The following TLN2 variants were observed in gnomAD, a reference collection of about 807,000 sequenced individuals.
TLN2 encodes talin 2.
TLN2 carries 118 observed loss-of-function variants against 294.7 expected under a neutral mutation model. The observed-to-expected ratio is 0.40, with a 90% CI of 0.34 to 0.47. The LOEUF is 0.47. Ranked by LOEUF, TLN2 falls within the 20% of genes least tolerant of loss-of-function variation. The pLI, the probability that TLN2 is intolerant of heterozygous loss-of-function variation, is 0.84. For synonymous variants in TLN2, 1,431 were observed against 1,304.5 expected, an observed-to-expected ratio of 1.10 and a Z score of -2.09; for missense variants, 3,083 against 3,282.2, an observed-to-expected ratio of 0.94 and a Z score of 1.48.
At chr15:62,648,545 A>ATTTTTTT in intron 4 of TLN2, among the ~76,000 whole-genome samples, 1 of 120,656 alleles carries the variant, frequency 8.3e-6, no homozygotes, top group Non-Finnish European at 1.7e-5. Context: ...GATGATGACG[A>ATTTTTTT]TTTTTTTTTT....
intron 1 of TLN2, among the ~76,000 whole-genome samples, chr15:62,525,520 G>A (rs2040690132): frequency 6.6e-6 from 1 of 152,208 alleles, no homozygotes; most frequent in Non-Finnish European, 1.5e-5. Context: ...AGAACAATGT[G>A]TGAGGTTAGT....
chr15:62,740,708 A>G lies in TLN2; in HGVS notation c.3964A>G (p.Lys1322Glu). The change falls in exon 32 of 59, where the codon AAG becomes GAG. Residue 1322 changes from lysine (K) to glutamate (E), a missense_variant. Physicochemically the swap from Lys to Glu is moderately conservative, Grantham distance 56 (BLOSUM62 1). Coordinates refer to ENST00000636159, the MANE Select transcript of TLN2 (RefSeq NM_015059.3). ...MASSKLLLAA[K>E]SLSVDPGAPN... Reference sequence around the variant, plus strand: ...ATCCAGCAAGCTGCTGTTAGCTGCCAAGTCTCTCTCTGTAGATCCAGGAGC... The same window carrying G: ...ATCCAGCAAGCTGCTGTTAGCTGCCGAGTCTCTCTCTGTAGATCCAGGAGC... 1 of 1,614,222 alleles carries G rather than the reference A, an allele frequency of 6.2e-7. No individual in the cohort carries two copies. Among genetic ancestry groups the G allele is most frequent in the Non-Finnish European group, 8.5e-7 (1 of 1,180,036 alleles).
chr15:62,462,904 C>T (rs372870684), intron 1 of TLN2, among the ~76,000 whole-genome samples: 48 of 152,234 alleles, frequency 3.2e-4, no homozygotes, highest in African/African-American at 1.0e-3. Flanking sequence ...CTCTCCTGAC[C>T]GCACAGCTGC....
intron 1 of TLN2, among the ~76,000 whole-genome samples, chr15:62,524,657 A>G (rs2140480731): frequency 6.6e-6 from 1 of 152,346 alleles, no homozygotes; most frequent in East Asian, 1.9e-4. Context: ...ATGTCAGTAA[A>G]TGATACCTAT....
chr15:62,820,386 T>G, intron 53 of TLN2, 100 bp from the exon 54 acceptor site: 1 of 1,364,168 alleles, frequency 7.3e-7, no homozygotes, highest in South Asian at 1.4e-5. Context: ...GTCAGGCTCC[T>G]GGAGCCTTCA....
chr15:62,607,317 G>A (rs1276699583), intron 2 of TLN2, among the ~76,000 whole-genome samples: 2 of 152,144 alleles, frequency 1.3e-5, no homozygotes, highest in East Asian at 3.9e-4. Context: ...GGCTTGAAAG[G>A]ATGATGCTAG....
At chr15:62,689,715 A>G (rs569753481) in intron 12 of TLN2, among the ~76,000 whole-genome samples, 21 of 151,068 alleles carry the variant, frequency 1.4e-4, no homozygotes, top group African/African-American at 5.1e-4. Context: ...CTTCTTTCTT[A>G]CCTCCATGGT....
chr15:62,473,890 T>C (rs371022134), intron 1 of TLN2, among the ~76,000 whole-genome samples: 7 of 152,170 alleles, frequency 4.6e-5, no homozygotes, highest in Admixed American at 2.0e-4. Context: ...GGTCAGGAGT[T>C]CGAGACCAGC....
chr15:62,701,173 C>G lies in TLN2; in HGVS notation c.1655C>G (p.Ala552Gly), dbSNP rs1309226494. Residue 552 changes from alanine (A) to glycine (G), a missense_variant, in exon 17 of 59, where the codon GCT becomes GGT. Ala to Gly is a moderately conservative substitution (Grantham distance 60, BLOSUM62 0). Coordinates refer to ENST00000636159, the MANE Select transcript of TLN2 (RefSeq NM_015059.3). Reference protein sequence around the residue: ...SKHEIHSQVDAITAGTASVVN... With the variant: ...SKHEIHSQVDGITAGTASVVN... ...CACGAAATCCATTCTCAAGTTGATGCTATCACGGCCGGAACGGCTTCAGTT... is the reference window on the plus strand; with the variant it reads ...CACGAAATCCATTCTCAAGTTGATGGTATCACGGCCGGAACGGCTTCAGTT... 1.2e-6 allele frequency: 2 copies of G among 1,614,108 alleles called. No homozygotes were observed. Among genetic ancestry groups the G allele is most frequent in the African/African-American group, 1.3e-5 (1 of 75,024 alleles).
At chr15:62,599,114 A>G (rs372670754) in intron 2 of TLN2, among the ~76,000 whole-genome samples, 7 of 152,320 alleles carry the variant, frequency 4.6e-5, no homozygotes, top group African/African-American at 1.7e-4. Context: ...GTGCAAATAT[A>G]CTTCTTTTCC....
chr15:62,578,430 G>T (rs1314776698), intron 1 of TLN2, among the ~76,000 whole-genome samples: 1 of 152,070 alleles, frequency 6.6e-6, no homozygotes, highest in Non-Finnish European at 1.5e-5. Context: ...AACCAGGTGT[G>T]GTGGTGCATG....
intron 4 of TLN2, among the ~76,000 whole-genome samples, chr15:62,647,814 C>T (rs965192285): frequency 1.3e-5 from 2 of 152,172 alleles, no homozygotes; most frequent in Non-Finnish European, 2.9e-5. Context: ...TGCATGAACG[C>T]TTTCCACTGC....
intron 3 of TLN2, among the ~76,000 whole-genome samples, chr15:62,621,736 C>A (rs2048848904): frequency 6.6e-6 from 1 of 152,164 alleles, no homozygotes; most frequent in Admixed American, 6.5e-5. Context: ...GCGAAGAGCT[C>A]CCTTATGGCG....
intron 3 of TLN2, among the ~76,000 whole-genome samples, chr15:62,631,400 A>G (rs1343828018): frequency 6.6e-6 from 1 of 151,796 alleles, no homozygotes; most frequent in Admixed American, 6.6e-5. Context: ...TCACTCATCC[A>G]TTATTTTTTC....
At chr15:62,746,443 C>A (rs1490442565) in intron 32 of TLN2, among the ~76,000 whole-genome samples, 2 of 152,160 alleles carry the variant, frequency 1.3e-5, no homozygotes, top group African/African-American at 4.8e-5. Flanking sequence ...CCCAGTGACA[C>A]CCTAATTAAA....
intron 6 of TLN2, 104 bp from the exon 7 acceptor site, chr15:62,653,058 G>A (rs1487030186): frequency 2.1e-6 from 2 of 972,896 alleles, no homozygotes; most frequent in Non-Finnish European, 2.9e-6. Context: ...GCCGTTTCTG[G>A]TTCTTTGCCA....
At chr15:62,758,751 C>T (rs2062469667) in intron 37 of TLN2, 1 of 152,188 alleles carries the variant, frequency 6.6e-6, no homozygotes, top group African/African-American at 2.4e-5. Flanking sequence ...CTTTTTACTC[C>T]TTGTTCTGTT....
chr15:62,715,026 A>G (rs2059678773), intron 22 of TLN2, among the ~76,000 whole-genome samples: 1 of 152,250 alleles, frequency 6.6e-6, no homozygotes, highest in Non-Finnish European at 1.5e-5. Flanking sequence ...AAACTTGCAA[A>G]AGAATCCAAA....
intron 3 of TLN2, among the ~76,000 whole-genome samples, chr15:62,636,122 T>A (rs1354522160): frequency 3.3e-5 from 5 of 152,164 alleles, no homozygotes; most frequent in African/African-American, 9.7e-5. Flanking sequence ...TTAAAATTTT[T>A]AAAAATATAT....
Sources: allele counts gnomAD v4.1 joint callset (sites outside exome capture counted in the v4.1 genomes callset), GRCh38; gene constraint gnomAD v4.1.1; transcripts MANE v1.5; gene names NCBI Gene and HGNC (gene_info 2026-07-23, HGNC 2026-07-21).